The following POLR1A variants were observed in gnomAD, a reference collection of about 807,000 sequenced individuals.
The protein encoded by POLR1A is DNA-directed RNA polymerase I subunit RPA1.
Under a neutral mutation model 205.3 loss-of-function variants are expected in POLR1A, and 84 were observed. The observed-to-expected ratio is 0.41, with a 90% CI of 0.34 to 0.49. The LOEUF (loss-of-function observed/expected upper bound fraction) is 0.49, where lower values mean the gene tolerates loss of function less well. POLR1A is among the 20% of genes least tolerant of loss of function. The probability of loss-of-function intolerance (pLI) is 0.22; values close to 1 mark genes in which losing one functional copy is unlikely to be tolerated. For synonymous variants in POLR1A, 799 were observed against 863.7 expected (o/e 0.93, Z 1.31); for missense variants, 1,645 against 2,204.5 (o/e 0.75, Z 5.08).
chr2:86,088,516 C>A (rs1364676547), intron 6 of POLR1A, 50 bp downstream of exon 6: 2 of 1,158,490 alleles, frequency 1.7e-6, no homozygotes, highest in South Asian at 1.2e-5. Flanking sequence ...GGGTTTAGGA[C>A]ACATCTGCTG....
intron 3 of POLR1A, 69 bp downstream of exon 3, chr2:86,098,542 T>C: frequency 6.7e-7 from 1 of 1,500,026 alleles, no homozygotes; most frequent in South Asian, 1.2e-5. Flanking sequence ...TAGGACAACA[T>C]ACAAGCATCT....
chr2:86,024,358 G>A lies in POLR1A; in HGVS notation c.*3065C>T, dbSNP rs972569543. Reference sequence around the variant, plus strand: ...AACAGTGGTTGCCAGGGGCTGGGGAGGTGGAAGGAATAGGGAGTTAGTGCT... The same window carrying A: ...AACAGTGGTTGCCAGGGGCTGGGGAAGTGGAAGGAATAGGGAGTTAGTGCT... On this transcript the variant is annotated 3_prime_UTR_variant, in exon 34 of 34. Transcript: ENST00000263857. 39 of 157,284 alleles carry A rather than the reference G, an allele frequency of 2.5e-4. No individual in the cohort carries two copies. Among genetic ancestry groups the A allele is most frequent in the Non-Finnish European group, 4.7e-4 (33 of 70,614 alleles). 9.7% of individuals were successfully genotyped at this position (157,284 alleles called of 1,614,324 possible).
At chr2:86,053,723 G>A (rs1283496240) in intron 15 of POLR1A, among the ~76,000 whole-genome samples, 1 of 152,152 alleles carries the variant, frequency 6.6e-6, no homozygotes, top group African/African-American at 2.4e-5. Context: ...CAGAGGCCTT[G>A]GAAATCTTCA....
At chr2:86,054,018 C>T in intron 15 of POLR1A, 122 bp downstream of exon 15, 3 of 948,826 alleles carry the variant, frequency 3.2e-6, no homozygotes, top group East Asian at 5.1e-5. Context: ...GGCACAACGC[C>T]TTCTCTTCTG....
In POLR1A at chr2:86,021,739, A is replaced by C. The variant is rs905016175; in HGVS notation, c.*5684T>G. On this transcript the variant is annotated 3_prime_UTR_variant, in exon 34 of 34. Coordinates refer to ENST00000263857, the MANE Select transcript of POLR1A (RefSeq NM_015425.6). ...GGGTGCCTGGGACACAGTGGAGATC[A>C]AGGTTGGATGGATGCAGCATGGGGG... 6.6e-6 allele frequency: 1 copy of C among 152,162 alleles called. No homozygotes were observed. The highest frequency in any genetic ancestry group is 1.5e-5 in the Non-Finnish European group (1 of 68,070). 9.4% of individuals were successfully genotyped at this position (152,162 alleles called of 1,614,324 possible). A position where few individuals can be genotyped will look rare whatever the true frequency, so the allele number is the denominator to read the frequency against.
chr2:86,070,160 A>T lies in POLR1A; in HGVS notation c.1724T>A (p.Leu575Gln). The change falls in exon 13 of 34, where the codon CTG becomes CAG. Residue 575 changes from leucine to glutamine, a missense_variant. Leu to Gln is a moderately radical substitution (Grantham distance 113). Coordinates refer to ENST00000263857, the MANE Select transcript of POLR1A (RefSeq NM_015425.6). The surrounding 1 kb of genome is among the most constrained non-coding windows in gnomAD (Gnocchi z 4.4). ...CTTGCAGTTGGCATAGTGGAGCCGC[A>T]GCACTTTCTCTTCAGGCAGGATGCG... Reference protein sequence around the residue: ...RARILPEEKVLRLHYANCKAY... With the variant: ...RARILPEEKVQRLHYANCKAY... 1 of 1,614,222 alleles carries T rather than the reference A, an allele frequency of 6.2e-7. No homozygotes were observed. The highest frequency in any genetic ancestry group is 8.5e-7 in the Non-Finnish European group (1 of 1,180,038).
rs1033466804 is a variant in POLR1A, at chr2:86,027,313, C to T, written c.*110G>A. On this transcript the variant is annotated 3_prime_UTR_variant, in exon 34 of 34. Coordinates refer to ENST00000263857, the MANE Select transcript of POLR1A (RefSeq NM_015425.6). ...GTCGCTGCTGTGCTCTGTACTGTCA[C>T]TTGGAACTGCCCTGGATTCCAGTCT... 1 of 898,582 alleles carries T rather than the reference C, an allele frequency of 1.1e-6. No homozygotes were observed. The highest frequency in any genetic ancestry group is 1.9e-6 in the Non-Finnish European group (1 of 536,458). 55.7% of individuals were successfully genotyped at this position (898,582 alleles called of 1,614,324 possible).
In POLR1A at chr2:86,027,199, CAG is replaced by C; in HGVS notation, c.*222_*223del. 1 of 580,808 alleles carries C rather than the reference CAG, an allele frequency of 1.7e-6. No homozygotes were observed. The highest frequency in any genetic ancestry group is 3.1e-6 in the Non-Finnish European group (1 of 324,924). 36.0% of individuals were successfully genotyped at this position (580,808 alleles called of 1,614,324 possible). A position where few individuals can be genotyped will look rare whatever the true frequency, so the allele number is the denominator to read the frequency against. On this transcript the variant is annotated 3_prime_UTR_variant, in exon 34 of 34. Transcript: ENST00000263857. ...GACTTGGTAAACCTTGATAAAAATC[CAG>C]AGACAGGGAGGGGCAAGGATGAGCA... is the stretch of plus-strand genomic sequence containing the variant.
chr2:86,105,693 T>C lies in POLR1A; in HGVS notation c.77+7A>G, dbSNP rs1558790421. Reference sequence around the variant, plus strand: ...AGGCTGGGCACGCTACCCGACCAACTCCTTACTTGAGCTCTTCAGCCGAAT... The same window carrying C: ...AGGCTGGGCACGCTACCCGACCAACCCCTTACTTGAGCTCTTCAGCCGAAT... On this transcript the variant is annotated splice_region_variant and intron_variant, in intron 1 of 33. Transcript: ENST00000263857. 2 of 1,605,986 alleles carry C rather than the reference T, an allele frequency of 1.2e-6. No homozygotes were observed. The highest frequency in any genetic ancestry group is 1.7e-6 in the Non-Finnish European group (2 of 1,172,742).
chr2:86,035,366 G>A (rs1170265738), intron 27 of POLR1A, among the ~76,000 whole-genome samples: 5 of 152,190 alleles, frequency 3.3e-5, no homozygotes, highest in Non-Finnish European at 2.9e-5. Flanking sequence ...TGGGAGAGAT[G>A]TTTCTGTAAG....
chr2:86,064,954 T>C (rs1294677369), intron 14 of POLR1A, among the ~76,000 whole-genome samples: 2 of 152,050 alleles, frequency 1.3e-5, no homozygotes, highest in African/African-American at 4.8e-5. Flanking sequence ...TTTGTACTTT[T>C]AGTAGAGATA....
At position 86,023,792 on chromosome 2, in the gene POLR1A, C is replaced by G. The variant is rs996339460; in HGVS notation, c.*3631G>C. On this transcript the variant is annotated 3_prime_UTR_variant, in exon 34 of 34. Coordinates refer to ENST00000263857, the MANE Select transcript of POLR1A (RefSeq NM_015425.6). Reference sequence around the variant, plus strand: ...TTTGAGACGGAATCTCACTCTGTCACCCAGGCTGGAGTGCAGTGGCGCAAT... The same window carrying G: ...TTTGAGACGGAATCTCACTCTGTCAGCCAGGCTGGAGTGCAGTGGCGCAAT... The G allele has an allele frequency of 2.6e-5, 4 of 150,994 alleles. No homozygotes were observed. Among genetic ancestry groups the G allele is most frequent in the Non-Finnish European group, 1.5e-5 (1 of 67,810 alleles). The allele number at this position is 150,994 out of a possible 1,614,324, so 9.4% of individuals were successfully genotyped here.
chr2:86,082,656 T>C (rs913438378), intron 7 of POLR1A, among the ~76,000 whole-genome samples: 2 of 152,176 alleles, frequency 1.3e-5, no homozygotes, highest in African/African-American at 4.8e-5. Context: ...ATATACTGCG[T>C]AGGTTTTGTT....
At position 86,070,353 on chromosome 2, in the gene POLR1A, G is replaced by A. The variant is rs554973951; in HGVS notation, c.1612-81C>T. The A allele has an allele frequency of 2.1e-6, 3 of 1,440,996 alleles. No homozygotes were observed. The highest frequency in any genetic ancestry group is 2.8e-6 in the Non-Finnish European group (3 of 1,063,678). 89.3% of individuals were successfully genotyped at this position (1,440,996 alleles called of 1,614,324 possible). On this transcript the variant is annotated intron_variant, in intron 12 of 33. Coordinates refer to ENST00000263857, the MANE Select transcript of POLR1A (RefSeq NM_015425.6). The surrounding 1 kb of genome is among the most constrained non-coding windows in gnomAD (Gnocchi z 4.4). ...TCTTTCCAAGTGCTCACCTCAGCTT[G>A]ACCAAGGTGTGGCTTTTGTCTCACG...
intron 14 of POLR1A, among the ~76,000 whole-genome samples, chr2:86,059,604 C>G (rs982835076): frequency 6.6e-6 from 1 of 152,202 alleles, no homozygotes; most frequent in African/African-American, 2.4e-5. Flanking sequence ...CTCGTTCTGT[C>G]GCCCAGGCTG....
At chr2:86,050,185 G>C (rs4597526) in intron 16 of POLR1A, among the ~76,000 whole-genome samples, 57,355 of 152,028 alleles carry the variant, frequency 0.38, 13,584 homozygotes, top group Non-Finnish European at 0.54. Context: ...CAAAGTGCTG[G>C]GATTGCAGGA....
chr2:86,031,579 TTCA>T lies in POLR1A; in HGVS notation c.4326_4328del (p.Asp1442del), dbSNP rs781736253. The T allele has an allele frequency of 5.6e-6, 9 of 1,613,828 alleles. No homozygotes were observed. In the Admixed American group the frequency reaches 6.7e-5, roughly 12 times the overall value. On this transcript the variant is annotated inframe_deletion, in exon 30 of 34. Coordinates refer to ENST00000263857, the MANE Select transcript of POLR1A (RefSeq NM_015425.6). ...GGGGATTTCGTTCCTCCTGCATGTCTTCATCGTCGTTCTCCTCGCCCTCCCTCT... is the reference window on the plus strand; with the variant it reads ...GGGGATTTCGTTCCTCCTGCATGTCTTCGTCGTTCTCCTCGCCCTCCCTCT...
At position 86,028,696 on chromosome 2, in the gene POLR1A, G is replaced by A. The variant is rs771887253; in HGVS notation, c.4795C>T (p.Arg1599Cys). The part of the protein sequence containing the change: ...FKYAEVLDLR[R>C]LYSNDIHAIA... ...GCGTGGATGTCGTTGGAGTAGAGGCGGCGCAGATCCAGGACCTGGAGAGAG... is the reference window on the plus strand; with the variant it reads ...GCGTGGATGTCGTTGGAGTAGAGGCAGCGCAGATCCAGGACCTGGAGAGAG... The change falls in exon 32 of 34, where the codon CGC (arginine) becomes TGC (cysteine). Residue 1599 changes from arginine to cysteine, a missense_variant. Coordinates refer to ENST00000263857, the MANE Select transcript of POLR1A (RefSeq NM_015425.6). This position sits in a 1 kb window ranked among gnomAD's most constrained non-coding sequence, Gnocchi z 4.5. 13 of 1,613,844 alleles carry A rather than the reference G, an allele frequency of 8.1e-6. No individual in the cohort carries two copies. Among genetic ancestry groups the A allele is most frequent in the East Asian group, 4.5e-5 (2 of 44,868 alleles).
At chr2:86,072,312 G>A (rs945007136) in intron 12 of POLR1A, among the ~76,000 whole-genome samples, 2 of 152,234 alleles carry the variant, frequency 1.3e-5, no homozygotes, top group Non-Finnish European at 2.9e-5. Flanking sequence ...GGCACTGGCT[G>A]CTGTCTGACT....
Sources: gnomAD v4.1 joint callset for allele counts (sites outside exome capture counted in the v4.1 genomes callset) on GRCh38, gnomAD v4.1.1 for gene constraint, Gnocchi (gnomAD v3.1) non-coding constraint, MANE v1.5 for transcripts, NCBI Gene and HGNC (gene_info 2026-07-23, HGNC 2026-07-21) for gene names.